Variants in KCND3 observed in about 807,000 individuals in gnomAD.
The protein encoded by KCND3 is A-type voltage-gated potassium channel KCND3.
In KCND3, 9 loss-of-function variants were observed where a neutral mutation model predicts 51.1. The ratio of observed to expected loss-of-function variants is 0.18; its 90% CI spans 0.11 to 0.31. KCND3 has a LOEUF of 0.31. Among genes scored for constraint, KCND3 ranks in the 10% least tolerant of loss-of-function variants. The probability of loss-of-function intolerance (pLI) is 1.00; values close to 1 mark genes in which losing one functional copy is unlikely to be tolerated. For missense variants in KCND3, 526 were observed against 903.8 expected, an observed-to-expected ratio of 0.58 and a Z score of 5.36; for synonymous variants, 349 against 368.0, an observed-to-expected ratio of 0.95 and a Z score of 0.59.
chr1:111,962,244 T>A (rs1243360827), intron 2 of KCND3, among the ~76,000 whole-genome samples: 1 of 152,234 alleles, frequency 6.6e-6, no homozygotes, highest in Non-Finnish European at 1.5e-5. Flanking sequence ...GTGGCAGAGC[T>A]GCAGATGGAA....
At chr1:111,891,316 GA>G (rs1300397018) in intron 2 of KCND3, among the ~76,000 whole-genome samples, 1 of 151,980 alleles carries the variant, frequency 6.6e-6, no homozygotes, top group African/African-American at 2.4e-5. Flanking sequence ...CAAAGAGAAG[GA>G]AAAAAATGGT....
At chr1:111,866,105 AT>A (rs1401007744) in intron 2 of KCND3, among the ~76,000 whole-genome samples, 2 of 151,870 alleles carry the variant, frequency 1.3e-5, no homozygotes, top group Admixed American at 6.6e-5. Flanking sequence ...TTTAGTTCTA[AT>A]TTTTTTAGTA....
rs551268532 is a variant in KCND3 at position 111,819,632 on chromosome 1, G to A, written c.1107-32526C>T. Among the ~76,000 whole-genome samples the A allele has an allele frequency of 4.4e-4, 67 of 152,258 alleles. No individual in the cohort carries two copies. In the South Asian group the frequency reaches 8.7e-3, roughly 20 times the overall value. On this transcript the variant is annotated intron_variant, in intron 2 of 7. Coordinates refer to ENST00000302127, the MANE Select transcript of KCND3 (RefSeq NM_001378969.1). ...TTCCAGAGGGGCGGAAGAGGAGCAGGGGTTGGGACAGAGGTTTGAGCAGAA... is the reference window on the plus strand; with the variant it reads ...TTCCAGAGGGGCGGAAGAGGAGCAGAGGTTGGGACAGAGGTTTGAGCAGAA...
intron 2 of KCND3, among the ~76,000 whole-genome samples, chr1:111,797,401 C>T (rs1046292259): frequency 2.6e-5 from 4 of 152,166 alleles, no homozygotes; most frequent in African/African-American, 7.2e-5. Flanking sequence ...TACCCATAGC[C>T]CCTCGCACTG....
chr1:111,892,866 C>T (rs147329906), intron 2 of KCND3, among the ~76,000 whole-genome samples: 1 of 152,126 alleles, frequency 6.6e-6, no homozygotes, highest in Non-Finnish European at 1.5e-5. Flanking sequence ...ACCACATTCC[C>T]GGGAGGTATA....
chr1:111,984,918 CGTT>C (rs900429336), intron 1 of KCND3, among the ~76,000 whole-genome samples: 15 of 152,166 alleles, frequency 9.9e-5, no homozygotes, highest in Non-Finnish European at 2.1e-4. Context: ...GCTCTTGACT[CGTT>C]GTTTGCCCCT....
intron 2 of KCND3, among the ~76,000 whole-genome samples, chr1:111,805,189 A>G (rs1007188979): frequency 1.3e-5 from 2 of 152,120 alleles, no homozygotes; most frequent in African/African-American, 4.8e-5. Context: ...GACTCAACAG[A>G]CTATTAGTCT....
At chr1:111,973,370 G>A (rs898368915) in intron 2 of KCND3, among the ~76,000 whole-genome samples, 6 of 152,230 alleles carry the variant, frequency 3.9e-5, no homozygotes, top group Non-Finnish European at 8.8e-5. Context: ...GCAAAGGGTA[G>A]AGATTTCCCA....
intron 2 of KCND3, among the ~76,000 whole-genome samples, chr1:111,887,215 A>C (rs1669609909): frequency 6.6e-6 from 1 of 152,228 alleles, no homozygotes; most frequent in Non-Finnish European, 1.5e-5. Flanking sequence ...GGCTTGTGGC[A>C]GCACTTACAA....
intron 2 of KCND3, among the ~76,000 whole-genome samples, chr1:111,837,237 A>G (rs1457265767): frequency 6.6e-6 from 1 of 152,170 alleles, no homozygotes; most frequent in Admixed American, 6.5e-5. Flanking sequence ...CTGCCCTCTG[A>G]TGTAACAGTT....
intron 2 of KCND3, among the ~76,000 whole-genome samples, chr1:111,857,961 T>A (rs1412530300): frequency 2.6e-5 from 4 of 152,030 alleles, no homozygotes; most frequent in Non-Finnish European, 4.4e-5. Context: ...TATTAAAAAA[T>A]TTTTCTGATT....
At chr1:111,983,849 G>C (rs1320441342) in intron 1 of KCND3, among the ~76,000 whole-genome samples, 1 of 152,178 alleles carries the variant, frequency 6.6e-6, no homozygotes, top group Non-Finnish European at 1.5e-5. Flanking sequence ...TACCTGTGTG[G>C]ACAGAGGGAG....
At chr1:111,920,292 G>C (rs1200055470) in intron 2 of KCND3, among the ~76,000 whole-genome samples, 1 of 152,148 alleles carries the variant, frequency 6.6e-6, no homozygotes, top group Non-Finnish European at 1.5e-5. Context: ...CCTGGGGGAG[G>C]AGAGGTCGTC....
chr1:111,960,851 C>T (rs147797014), intron 2 of KCND3, among the ~76,000 whole-genome samples: 1 of 152,278 alleles, frequency 6.6e-6, no homozygotes, highest in Non-Finnish European at 1.5e-5. Flanking sequence ...GGTTTTAATT[C>T]TTCATCAGGA....
intron 2 of KCND3, among the ~76,000 whole-genome samples, chr1:111,818,294 A>G (rs6537716): frequency 0.8 from 121,417 of 152,196 alleles, 48,488 homozygotes; most frequent in Admixed American, 0.85. Context: ...CGAGGCTTCC[A>G]CCCCAGCAGG....
intron 2 of KCND3, among the ~76,000 whole-genome samples, chr1:111,934,470 C>A (rs987117932): frequency 2.0e-5 from 3 of 152,176 alleles, no homozygotes; most frequent in Non-Finnish European, 2.9e-5. Context: ...GCACCTCAGC[C>A]CCAGACATAG....
chr1:111,841,499 T>C (rs1667320278), intron 2 of KCND3, among the ~76,000 whole-genome samples: 1 of 152,220 alleles, frequency 6.6e-6, no homozygotes. Flanking sequence ...TTCTGGAAAA[T>C]TTCTTCTTTC....
At chr1:111,801,840 T>C (rs996527133) in intron 2 of KCND3, among the ~76,000 whole-genome samples, 1 of 152,126 alleles carries the variant, frequency 6.6e-6, no homozygotes, top group African/African-American at 2.4e-5. Flanking sequence ...TTCCATTAAG[T>C]CTCAGACTCT....
At chr1:111,851,352 G>A (rs1401849202) in intron 2 of KCND3, among the ~76,000 whole-genome samples, 1 of 152,180 alleles carries the variant, frequency 6.6e-6, no homozygotes, top group Non-Finnish European at 1.5e-5. Flanking sequence ...CTGAGTCAAT[G>A]AGCGCAGTGT....
Sources: gnomAD v4.1 joint callset for allele counts (sites outside exome capture counted in the v4.1 genomes callset) on GRCh38, gnomAD v4.1.1 for gene constraint, MANE v1.5 for transcripts, NCBI Gene and HGNC (gene_info 2026-07-23, HGNC 2026-07-21) for gene names.